Variants in CATSPER3 observed in about 807,000 individuals in gnomAD.
CATSPER3 encodes the protein cation channel sperm-associated protein 3.
In CATSPER3, 23 loss-of-function variants were observed where a neutral mutation model predicts 36.6. The observed-to-expected ratio is 0.63, with a 90% confidence interval of 0.45 to 0.89. The LOEUF (loss-of-function observed/expected upper bound fraction) is 0.89. CATSPER3 is among the 40% of genes least tolerant of loss of function. The pLI is 0.00. For missense variants in CATSPER3, 474 were observed against 503.9 expected (o/e 0.94, Z 0.57); for synonymous variants, 172 against 184.1 (o/e 0.93, Z 0.53).
At chr5:134,992,036 C>T (rs765582911) in intron 2 of CATSPER3, among the ~76,000 whole-genome samples, 7 of 151,390 alleles carry the variant, frequency 4.6e-5, no homozygotes, top group African/African-American at 7.3e-5. Context: ...GTGTGAGGAT[C>T]GCTTGAGCCT....
At chr5:134,970,249 C>T (rs1318213540) in intron 2 of CATSPER3, among the ~76,000 whole-genome samples, 157 bp downstream of exon 2, 4 of 151,842 alleles carry the variant, frequency 2.6e-5, no homozygotes, top group African/African-American at 9.7e-5. Context: ...TCCATCTCCA[C>T]CTCCCAGGTT....
intron 3 of CATSPER3, among the ~76,000 whole-genome samples, chr5:135,005,421 AC>A (rs1752074103): frequency 6.6e-6 from 1 of 152,140 alleles, no homozygotes; most frequent in Admixed American, 6.5e-5. Context: ...ATCACCAGCC[AC>A]CCTGAGCTGT....
chr5:135,009,017 A>G (rs767075406), intron 5 of CATSPER3, 36 bp downstream of exon 5: 65 of 1,613,578 alleles, frequency 4.0e-5, no homozygotes, highest in Non-Finnish European at 5.3e-5. Context: ...AGGTCAGGGC[A>G]GGTGTGGCAG....
At chr5:134,997,772 C>T (rs1394203386) in intron 3 of CATSPER3, among the ~76,000 whole-genome samples, 1 of 152,128 alleles carries the variant, frequency 6.6e-6, no homozygotes, top group Admixed American at 6.6e-5. Flanking sequence ...ACCTGCCTAC[C>T]CCTCTCTCTT....
Position 134,969,058 on chromosome 5 carries a change from T to C in CATSPER3, c.99-881T>C, listed in dbSNP as rs553938381. On this transcript the variant is annotated intron_variant, in intron 1 of 7. Coordinates refer to ENST00000282611, the MANE Select transcript of CATSPER3 (RefSeq NM_178019.3). ...ATTTTTCTAAATCCTGAAAAATGCA[T>C]AGACATATTTTAGTGCCTGTATTTC... 13 of 152,344 alleles carry C rather than the reference T, an allele frequency of 8.5e-5. No homozygotes were observed. The East Asian group carries it at 2.1e-3, about 25-fold the overall frequency. 9.4% of individuals were successfully genotyped at this position (152,344 alleles called of 1,614,324 possible). A position where few individuals can be genotyped will look rare whatever the true frequency, so the allele number is the denominator to read the frequency against.
chr5:134,969,668 CTTTG>C, intron 1 of CATSPER3: 2 of 470,448 alleles, frequency 4.3e-6, no homozygotes, highest in Non-Finnish European at 3.9e-6. Flanking sequence ...GAAGATGACA[CTTTG>C]TTTTGCTGGA....
At chr5:135,009,267 C>T in intron 5 of CATSPER3, 104 bp from the exon 6 acceptor site, 1 of 1,259,210 alleles carries the variant, frequency 7.9e-7, no homozygotes, top group Non-Finnish European at 1.2e-6. Flanking sequence ...GAAAAGTGCT[C>T]CTGCTGAGGG....
At chr5:134,993,761 A>T (rs1476811715) in intron 2 of CATSPER3, among the ~76,000 whole-genome samples, 1 of 152,256 alleles carries the variant, frequency 6.6e-6, no homozygotes, top group Non-Finnish European at 1.5e-5. Context: ...GTCTTAGTTT[A>T]AAATTTCTAC....
intron 2 of CATSPER3, among the ~76,000 whole-genome samples, chr5:134,994,782 G>A (rs992378526): frequency 2.6e-5 from 4 of 152,004 alleles, no homozygotes; most frequent in Non-Finnish European, 5.9e-5. Context: ...TGACTTTGCT[G>A]TTCCTTGAAC....
chr5:135,007,939 A>T lies in CATSPER3; in HGVS notation c.493-18A>T. ...GCTTGGTGGTACCCTCGCCTACCAC[A>T]GTGTCCCTGCCTTGCAGACGCTGAT... On this transcript the variant is annotated intron_variant, in intron 3 of 7. Transcript: ENST00000282611. 6.2e-7 allele frequency: 1 copy of T among 1,612,786 alleles called. No individual in the cohort carries two copies. Among genetic ancestry groups the T allele is most frequent in the Non-Finnish European group, 8.5e-7 (1 of 1,179,564 alleles).
intron 3 of CATSPER3, among the ~76,000 whole-genome samples, chr5:135,004,299 T>G (rs1411993852): frequency 6.6e-6 from 1 of 152,200 alleles, no homozygotes; most frequent in Admixed American, 6.5e-5. Context: ...CTGGGAGCCC[T>G]GGAACAGAAA....
At chr5:135,002,401 T>C (rs1171258330) in intron 3 of CATSPER3, among the ~76,000 whole-genome samples, 1 of 152,230 alleles carries the variant, frequency 6.6e-6, no homozygotes, top group Admixed American at 6.5e-5. Flanking sequence ...TAACATTTTT[T>C]CCTTCATTTC....
Position 134,983,856 on chromosome 5 carries a change from C to G in CATSPER3, c.253-12417C>G, listed in dbSNP as rs1170436512. Among the ~76,000 whole-genome samples, 3 of 152,134 alleles carry G rather than the reference C, an allele frequency of 2.0e-5. No individual in the cohort carries two copies. The South Asian group carries it at 6.2e-4, about 32-fold the overall frequency. On this transcript the variant is annotated intron_variant, in intron 2 of 7. Transcript: ENST00000282611. ...GCAATCCTAAGCAAAAAGAAAAAGT[C>G]TGGAAGCATCACATTATCCAACTCC...
At chr5:135,007,482 GA>G (rs1168752103) in intron 3 of CATSPER3, among the ~76,000 whole-genome samples, 1 of 152,226 alleles carries the variant, frequency 6.6e-6, no homozygotes, top group Non-Finnish European at 1.5e-5. Context: ...TACCTGTGAA[GA>G]CGGGGTCGAC....
At chr5:135,000,601 T>A (rs1483361715) in intron 3 of CATSPER3, among the ~76,000 whole-genome samples, 1 of 152,222 alleles carries the variant, frequency 6.6e-6, no homozygotes, top group Non-Finnish European at 1.5e-5. Flanking sequence ...TTTCAGAGCC[T>A]GTTATTGGTC....
In CATSPER3 at chr5:135,008,836, A is replaced by G. The variant is rs775022128; in HGVS notation, c.676-5A>G. 1.2e-6 allele frequency: 2 copies of G among 1,613,978 alleles called. No individual in the cohort carries two copies. Among genetic ancestry groups the G allele is most frequent in the South Asian group, 2.2e-5 (2 of 91,076 alleles). ...CCCTCAGCATACTCTTCCCTGCCTG[A>G]GCAGGTTGATGGCTGGACAGACCTG... On this transcript the variant is annotated splice_polypyrimidine_tract_variant and splice_region_variant and intron_variant, in intron 4 of 7. Coordinates refer to ENST00000282611, the MANE Select transcript of CATSPER3 (RefSeq NM_178019.3).
chr5:135,002,133 C>T (rs1051871834), intron 3 of CATSPER3, among the ~76,000 whole-genome samples: 1 of 152,220 alleles, frequency 6.6e-6, no homozygotes, highest in Admixed American at 6.5e-5. Context: ...GTGCTTCCTT[C>T]AGGAGCTCTT....
chr5:135,004,629 C>G (rs1326529766), intron 3 of CATSPER3, among the ~76,000 whole-genome samples: 2 of 152,046 alleles, frequency 1.3e-5, no homozygotes, highest in Non-Finnish European at 2.9e-5. Flanking sequence ...AGGAGTGGCA[C>G]CAGGGTCACT....
intron 2 of CATSPER3, among the ~76,000 whole-genome samples, chr5:134,980,433 CTTT>C (rs1172133000): frequency 3.2e-5 from 3 of 93,128 alleles, no homozygotes; most frequent in Admixed American, 1.3e-4. Flanking sequence ...TTCTTTCTTT[CTTT>C]TTTTTTTTTT....
Sources: allele counts gnomAD v4.1 joint callset (sites outside exome capture counted in the v4.1 genomes callset), GRCh38; gene constraint gnomAD v4.1.1; transcripts MANE v1.5; gene names NCBI Gene and HGNC (gene_info 2026-07-23, HGNC 2026-07-21).